The following GCSAM variants were observed in gnomAD, a reference collection of about 807,000 sequenced individuals.
GCSAM encodes the protein germinal center associated signaling and motility, also known as germinal center-associated signaling and motility protein.
Under a neutral mutation model 17.6 loss-of-function variants are expected in GCSAM, and 8 were observed. The observed-to-expected ratio is 0.46, with a 90% confidence interval of 0.27 to 0.82. The LOEUF (loss-of-function observed/expected upper bound fraction) is 0.82. Ranked by LOEUF, GCSAM falls within the 40% of genes least tolerant of loss-of-function variation. GCSAM has a pLI of 0.15. For missense variants in GCSAM, 192 were observed against 213.5 expected, an observed-to-expected ratio of 0.90 and a Z score of 0.63; for synonymous variants, 68 against 69.0, an observed-to-expected ratio of 0.98 and a Z score of 0.07.
chr3:112,123,856 T>C (rs2074251278), intron 5 of GCSAM, 84 bp from the exon 6 acceptor site: 19 of 1,404,764 alleles, frequency 1.4e-5, no homozygotes, highest in Non-Finnish European at 1.8e-5. Context: ...GCTTGACCCT[T>C]GGTCAAGTCT....
At chr3:112,132,831 G>C in intron 1 of GCSAM, 1 of 440,212 alleles carries the variant, frequency 2.3e-6, no homozygotes, top group Admixed American at 4.4e-5. Flanking sequence ...CTATTATATA[G>C]ACCTTCCTTG....
intron 5 of GCSAM, among the ~76,000 whole-genome samples, chr3:112,123,978 G>A (rs575228168): frequency 1.5e-4 from 23 of 152,032 alleles, no homozygotes; most frequent in Admixed American, 1.4e-3. Flanking sequence ...AGCCTGCTCA[G>A]GTGCATCCTC....
At position 112,120,964 on chromosome 3, in the gene GCSAM, A is replaced by G. The variant is rs1357056857; in HGVS notation, c.*2491T>C. On this transcript the variant is annotated 3_prime_UTR_variant, in exon 6 of 6. Coordinates refer to ENST00000308910, the MANE Select transcript of GCSAM (RefSeq NM_152785.5). ...TAATATTATTTTTGACTGACAAATC[A>G]TAATTGTGTATATCATATTGGGTAT... The G allele has an allele frequency of 6.6e-6, 1 of 152,218 alleles. No individual in the cohort carries two copies. Among genetic ancestry groups the G allele is most frequent in the African/African-American group, 2.4e-5 (1 of 41,436 alleles). The allele number at this position is 152,218 out of a possible 1,614,324, so 9.4% of individuals were successfully genotyped here.
chr3:112,125,502 C>A (rs1440087647), intron 4 of GCSAM, among the ~76,000 whole-genome samples: 1 of 152,152 alleles, frequency 6.6e-6, no homozygotes, highest in African/African-American at 2.4e-5. Context: ...GAAAGGAAAT[C>A]ACGATTTCTT....
intron 2 of GCSAM, chr3:112,130,211 C>A: frequency 1.8e-6 from 1 of 550,148 alleles, no homozygotes. Flanking sequence ...CAGGGACTAG[C>A]AGGGTCTTAG....
At chr3:112,124,468 G>C (rs2074265516) in intron 5 of GCSAM, among the ~76,000 whole-genome samples, 1 of 152,112 alleles carries the variant, frequency 6.6e-6, no homozygotes. Flanking sequence ...AATTAGCCAG[G>C]TGTGATGGCA....
At chr3:112,132,251 T>C (rs1455628874) in intron 1 of GCSAM, among the ~76,000 whole-genome samples, 4 of 152,118 alleles carry the variant, frequency 2.6e-5, no homozygotes, top group African/African-American at 9.7e-5. Context: ...TGGTCAAAAG[T>C]GGGCTACCAT....
At position 112,127,996 on chromosome 3, in the gene GCSAM, T is replaced by C. The variant is rs764082313; in HGVS notation, c.143+21A>G. 59 of 1,610,010 alleles carry C rather than the reference T, an allele frequency of 3.7e-5. No individual in the cohort carries two copies. The East Asian group carries it at 1.2e-3, about 33-fold the overall frequency. ...AAACCACACTTAGGGAAATAACTCC[T>C]AAAAACAACTGTCCACTCACCATGG... On this transcript the variant is annotated intron_variant, in intron 3 of 5. Transcript: ENST00000308910.
rs1189729008 is a variant in GCSAM at position 112,131,625 on chromosome 3, T to C, written c.30-1112A>G. 2.0e-5 allele frequency among the ~76,000 whole-genome samples: 3 copies of C among 152,162 alleles called. 1 individual carries two copies. Among genetic ancestry groups the C allele is most frequent in the East Asian group, 3.9e-4 (2 of 5,194 alleles). ...TACAGGTGCATGCCACTGCACTTGGTTCAAGGGAGACCTTTTAAATCATCA... is the reference window on the plus strand; with the variant it reads ...TACAGGTGCATGCCACTGCACTTGGCTCAAGGGAGACCTTTTAAATCATCA... On this transcript the variant is annotated intron_variant, in intron 1 of 5. Transcript: ENST00000308910.
chr3:112,132,891 T>C (rs1193370149), intron 1 of GCSAM: 4 of 554,696 alleles, frequency 7.2e-6, no homozygotes, highest in Non-Finnish European at 1.2e-5. Context: ...CTCACCATGA[T>C]TCTTGGGAGA....
chr3:112,133,234 G>A lies in GCSAM; in HGVS notation c.-114C>T, dbSNP rs775541706. 53 of 1,097,506 alleles carry A rather than the reference G, an allele frequency of 4.8e-5. 1 individual carries two copies. The Middle Eastern group carries it at 1.0e-3, about 21-fold the overall frequency. The allele number at this position is 1,097,506 out of a possible 1,614,324, so 68.0% of individuals were successfully genotyped here. A position where few individuals can be genotyped will look rare whatever the true frequency, so the allele number is the denominator to read the frequency against. ...AAGGGCTGTGTGGCTCTGGCCACCCGTGCAGAGACAGCAGAAAGGAGAAGG... is the reference window on the plus strand; with the variant it reads ...AAGGGCTGTGTGGCTCTGGCCACCCATGCAGAGACAGCAGAAAGGAGAAGG... On this transcript the variant is annotated 5_prime_UTR_variant, in exon 1 of 6. The change creates a new upstream start codon in the 5' untranslated region. Coordinates refer to ENST00000308910, the MANE Select transcript of GCSAM (RefSeq NM_152785.5).
In GCSAM at chr3:112,121,130, T is replaced by A. The variant is rs979808740; in HGVS notation, c.*2325A>T. ...TGGTTAAACATTTATATTTAATGTG[T>A]CCCTGATAAAAGGCATATACTGTTT... is the stretch of plus-strand genomic sequence containing the variant. On this transcript the variant is annotated 3_prime_UTR_variant, in exon 6 of 6. Transcript: ENST00000308910. The A allele has an allele frequency of 1.3e-5, 2 of 152,200 alleles. No individual in the cohort carries two copies. The highest frequency in any genetic ancestry group is 1.3e-4 in the Admixed American group (2 of 15,266). The allele number at this position is 152,200 out of a possible 1,614,324, so 9.4% of individuals were successfully genotyped here. A position where few individuals can be genotyped will look rare whatever the true frequency, so the allele number is the denominator to read the frequency against.
At chr3:112,125,373 C>T in intron 4 of GCSAM, 119 bp from the exon 5 acceptor site, 2 of 712,300 alleles carry the variant, frequency 2.8e-6, no homozygotes, top group East Asian at 2.6e-5. Context: ...TAGCTCTTCT[C>T]AGGCTATTCT....
At chr3:112,127,940 T>A (rs1019404029) in intron 3 of GCSAM, 77 bp downstream of exon 3, 1 of 1,242,744 alleles carries the variant, frequency 8.0e-7, no homozygotes, top group African/African-American at 1.5e-5. Flanking sequence ...CCACAGACAG[T>A]CACAGGTAAC....
intron 5 of GCSAM, among the ~76,000 whole-genome samples, 197 bp downstream of exon 5, chr3:112,125,029 T>C: frequency 6.6e-6 from 1 of 152,218 alleles, no homozygotes; most frequent in East Asian, 1.9e-4. Context: ...TTCCTTTCAA[T>C]AAATTATACA....
chr3:112,123,559 C>T lies in GCSAM; in HGVS notation c.433G>A (p.Glu145Lys), dbSNP rs746824883. ...GGCATGAGAAGTTCATATTCATCTT[C>T]TGGGGATCGGGCATGCCTGGGGTCT... ...STDPRHARSP[E>K]DEYELLMPHR... The change falls in exon 6 of 6, where the codon GAA becomes AAA. Residue 145 changes from glutamate (E) to lysine (K), a missense_variant. Glu to Lys is a moderately conservative substitution (Grantham distance 56). Transcript: ENST00000308910. The T allele has an allele frequency of 6.2e-7, 1 of 1,614,164 alleles. No individual in the cohort carries two copies. Among genetic ancestry groups the T allele is most frequent in the Non-Finnish European group, 8.5e-7 (1 of 1,180,028 alleles).
In GCSAM at chr3:112,123,612, T is replaced by G; in HGVS notation, c.380A>C (p.Glu127Ala). The G allele has an allele frequency of 2.5e-6, 4 of 1,614,130 alleles. No individual in the cohort carries two copies. Among genetic ancestry groups the G allele is most frequent in the Non-Finnish European group, 3.4e-6 (4 of 1,179,984 alleles). The change falls in exon 6 of 6, where the codon GAG (glutamate) becomes GCG (alanine). Residue 127 changes from glutamate (E) to alanine (A), a missense_variant. Coordinates refer to ENST00000308910, the MANE Select transcript of GCSAM (RefSeq NM_152785.5). Reference sequence around the variant, plus strand: ...AGAAGGCATATGTAGAAGTGAATACTCAGTCTCAGTTCCTCCCAAGGACTC... The same window carrying G: ...AGAAGGCATATGTAGAAGTGAATACGCAGTCTCAGTTCCTCCCAAGGACTC... ...PRESLGGTET[E>A]YSLLHMPSTD...
At chr3:112,127,927 TG>T in intron 3 of GCSAM, 89 bp downstream of exon 3, 1 of 1,061,484 alleles carries the variant, frequency 9.4e-7, no homozygotes, top group Non-Finnish European at 1.5e-6. Context: ...GCTTCCACTG[TG>T]GCCACAGACA....
At chr3:112,124,380 G>A (rs1362523340) in intron 5 of GCSAM, among the ~76,000 whole-genome samples, 1 of 152,120 alleles carries the variant, frequency 6.6e-6, no homozygotes, top group Non-Finnish European at 1.5e-5. Flanking sequence ...AGGCCGAAGT[G>A]GGTGGATCAC....
Sources: gnomAD v4.1 joint callset for allele counts (sites outside exome capture counted in the v4.1 genomes callset) on GRCh38, gnomAD v4.1.1 for gene constraint, MANE v1.5 for transcripts, NCBI Gene and HGNC (gene_info 2026-07-23, HGNC 2026-07-21) for gene names.